Variants in PEX13 observed in about 807,000 individuals in gnomAD.
PEX13 encodes the protein peroxisome biogenesis factor 13.
In PEX13, 28 loss-of-function variants were observed where a neutral mutation model predicts 34.5. The ratio of observed to expected loss-of-function variants is 0.81; its 90% CI spans 0.60 to 1.11. The LOEUF (loss-of-function observed/expected upper bound fraction) is 1.11, where lower values mean the gene tolerates loss of function less well. PEX13 is among the 50% of genes most tolerant of loss of function. The pLI is 0.00. For missense variants in PEX13, 550 were observed against 491.0 expected, an observed-to-expected ratio of 1.12 and a Z score of -1.13; for synonymous variants, 177 against 175.1, an observed-to-expected ratio of 1.01 and a Z score of -0.09.
intron 1 of PEX13, among the ~76,000 whole-genome samples, chr2:61,030,133 CATT>C (rs1680427646): frequency 1.3e-5 from 2 of 152,124 alleles, no homozygotes; most frequent in Non-Finnish European, 2.9e-5. Context: ...ACCCTGGAAA[CATT>C]ATGCTAAGTG....
intron 2 of PEX13, among the ~76,000 whole-genome samples, chr2:61,044,588 G>A (rs1680676703): frequency 1.3e-5 from 2 of 152,170 alleles, no homozygotes; most frequent in South Asian, 2.1e-4. Flanking sequence ...GTTTCTCCAT[G>A]TTGGTCAGGC....
At chr2:61,030,465 A>G (rs776882113) in intron 1 of PEX13, among the ~76,000 whole-genome samples, 4 of 152,148 alleles carry the variant, frequency 2.6e-5, no homozygotes, top group Non-Finnish European at 4.4e-5. Context: ...ACATTTTTTT[A>G]TGGTGATTTT....
intron 2 of PEX13, among the ~76,000 whole-genome samples, chr2:61,037,783 G>T (rs186666568): frequency 4.1e-4 from 62 of 152,266 alleles, no homozygotes; most frequent in Middle Eastern, 3.4e-3. Context: ...GAAGGAGATA[G>T]AGACATAAAA....
intron 2 of PEX13, among the ~76,000 whole-genome samples, chr2:61,040,870 A>T (rs1417160332): frequency 1.3e-4 from 19 of 148,800 alleles, no homozygotes; most frequent in Admixed American, 1.0e-3. Context: ...TATATATATA[A>T]AAAAGGTATA....
At chr2:61,037,272 A>T (rs1358654237) in intron 2 of PEX13, among the ~76,000 whole-genome samples, 1 of 152,228 alleles carries the variant, frequency 6.6e-6, no homozygotes, top group Non-Finnish European at 1.5e-5. Context: ...CAGCGGACCT[A>T]ATAGACGTCT....
intron 1 of PEX13, chr2:61,018,376 G>A (rs952338791): frequency 1.4e-6 from 2 of 1,455,788 alleles, no homozygotes; most frequent in Non-Finnish European, 1.8e-6. Context: ...GTTTCGGATC[G>A]AGATTGGAGA....
chr2:61,026,280 T>G (rs10207939), intron 1 of PEX13, among the ~76,000 whole-genome samples: 34,369 of 151,378 alleles, frequency 0.23, 4,124 homozygotes, highest in Middle Eastern at 0.34. Flanking sequence ...GTACAGCAGC[T>G]AATTTTCTTC....
intron 2 of PEX13, among the ~76,000 whole-genome samples, chr2:61,039,096 G>A (rs535585350): frequency 8.8e-4 from 134 of 152,286 alleles, no homozygotes; most frequent in African/African-American, 3.2e-3. Flanking sequence ...AATAAAAAAT[G>A]ACACAAACAA....
intron 2 of PEX13, among the ~76,000 whole-genome samples, chr2:61,042,497 A>G (rs976807911): frequency 2.6e-5 from 4 of 152,144 alleles, no homozygotes; most frequent in African/African-American, 9.6e-5. Flanking sequence ...TTATTGAATT[A>G]GATAGTAAAA....
At chr2:61,036,097 A>G (rs1680530098) in intron 2 of PEX13, among the ~76,000 whole-genome samples, 1 of 152,218 alleles carries the variant, frequency 6.6e-6, no homozygotes, top group Non-Finnish European at 1.5e-5. Flanking sequence ...GAGTGAAAAG[A>G]AATGAACAAA....
At position 61,017,723 on chromosome 2, in the gene PEX13, CA is replaced by C; in HGVS notation, c.-36del. On this transcript the variant is annotated 5_prime_UTR_variant, in exon 1 of 4. Coordinates refer to ENST00000295030, the MANE Select transcript of PEX13 (RefSeq NM_002618.4). ...GCTGGTCTACGCGGGCCTGGACAGT[CA>C]GGGGTAGGAGCGGGAGCCGAGAGGA... The C allele has an allele frequency of 6.6e-7, 1 of 1,523,842 alleles. No individual in the cohort carries two copies. Among genetic ancestry groups the C allele is most frequent in the Non-Finnish European group, 8.9e-7 (1 of 1,124,554 alleles). The allele number at this position is 1,523,842 out of a possible 1,614,324, so 94.4% of individuals were successfully genotyped here. A position where few individuals can be genotyped will look rare whatever the true frequency, so the allele number is the denominator to read the frequency against.
intron 1 of PEX13, among the ~76,000 whole-genome samples, chr2:61,023,043 C>G (rs911814758): frequency 6.6e-6 from 1 of 151,884 alleles, no homozygotes; most frequent in African/African-American, 2.4e-5. Context: ...CTCACTCTGC[C>G]ACCCGGGCTG....
At chr2:61,018,247 A>T in intron 1 of PEX13, 1 of 1,551,134 alleles carries the variant, frequency 6.4e-7, no homozygotes. Context: ...GACAGGGAGC[A>T]AAGTCTCTCC....
chr2:61,024,295 A>T (rs1461267398), intron 1 of PEX13, among the ~76,000 whole-genome samples: 1 of 152,074 alleles, frequency 6.6e-6, no homozygotes, highest in Non-Finnish European at 1.5e-5. Context: ...ATTCCAGAAA[A>T]CTTTAAGCCA....
rs755510406 is a variant in PEX13, at chr2:61,048,616, A to G, written c.1058A>G (p.Gln353Arg). Reference protein sequence around the residue: ...VESSKVSKQQQSFTNPTLTKG... With the variant: ...VESSKVSKQQRSFTNPTLTKG... ...TCAAGTAAAGTTTCCAAGCAGCAAC[A>G]ATCTTTTACCAACCCAACACTAACT... Residue 353 changes from glutamine to arginine, a missense_variant, in exon 4 of 4, where the codon CAA becomes CGA. By Grantham distance (43) the Gln-to-Arg change is conservative (BLOSUM62 1). Coordinates refer to ENST00000295030, the MANE Select transcript of PEX13 (RefSeq NM_002618.4). The G allele has an allele frequency of 3.0e-5, 48 of 1,614,044 alleles. No individual in the cohort carries two copies. The highest frequency in any genetic ancestry group is 3.7e-5 in the Non-Finnish European group (44 of 1,180,040).
chr2:61,018,774 T>A (rs184538524), intron 1 of PEX13: 1 of 152,502 alleles, frequency 6.6e-6, no homozygotes. Flanking sequence ...TAACAAGTAA[T>A]AAGTTTGATT....
At chr2:61,023,921 C>T (rs1161257394) in intron 1 of PEX13, among the ~76,000 whole-genome samples, 1 of 152,010 alleles carries the variant, frequency 6.6e-6, no homozygotes, top group African/African-American at 2.4e-5. Context: ...CTCAGCCTCC[C>T]GAGTGGCTGG....
intron 1 of PEX13, chr2:61,018,291 A>G (rs1284885517): frequency 3.9e-6 from 6 of 1,550,370 alleles, no homozygotes; most frequent in Non-Finnish European, 5.2e-6. Context: ...AGTTGCTGAA[A>G]GCCGGAAAGG....
Position 61,031,833 on chromosome 2 carries a change from C to T in PEX13, c.507C>T (p.Ser169=), listed in dbSNP as rs753607470. ...TATTGGATGTAGCAAATCACTTTTC[C>T]CGATTGAAAATACACTTTACAAAAG... The part of the protein sequence containing the change: ...RAVLDVANHF[S]RLKIHFTKVF... Residue 169 remains serine (S), a synonymous_variant, in exon 2 of 4, where the codon TCC becomes TCT. Coordinates refer to ENST00000295030, the MANE Select transcript of PEX13 (RefSeq NM_002618.4). 1.2e-6 allele frequency: 2 copies of T among 1,613,480 alleles called. No individual in the cohort carries two copies. The highest frequency in any genetic ancestry group is 2.7e-5 in the African/African-American group (2 of 74,992).
Sources: allele counts gnomAD v4.1 joint callset (sites outside exome capture counted in the v4.1 genomes callset), GRCh38; gene constraint gnomAD v4.1.1; transcripts MANE v1.5; gene names NCBI Gene and HGNC (gene_info 2026-07-23, HGNC 2026-07-21).